Variants in BRI3 observed in about 807,000 individuals in gnomAD.
BRI3 encodes membrane protein BRI3.
A neutral mutation model predicts 12.8 loss-of-function variants in BRI3; 6 were observed. That is an observed-to-expected ratio of 0.47 (90% CI 0.26 to 0.93). The LOEUF is 0.93. BRI3 is among the 40% of genes least tolerant of loss of function. The probability of loss-of-function intolerance (pLI) is 0.15; values close to 1 mark genes in which losing one functional copy is unlikely to be tolerated. For synonymous variants in BRI3, 91 were observed against 76.1 expected (o/e 1.20, Z -1.02); for missense variants, 134 against 171.1 (o/e 0.78, Z 1.21).
chr7:98,308,350 C>A, exon 2 of BRI3: 1 of 450,310 alleles, frequency 2.2e-6, no homozygotes, highest in Non-Finnish European at 4.5e-6. Flanking sequence ...GTTGGTCTTG[C>A]CATGCTGGCC....
chr7:98,294,183 G>A, downstream of BRI3: 2 of 1,521,346 alleles, frequency 1.3e-6, no homozygotes, highest in Admixed American at 1.7e-5. Flanking sequence ...GGTAGAGATG[G>A]GGATTTGCTA....
In BRI3 at chr7:98,291,108, C is replaced by T. The variant is rs1799930833; in HGVS notation, c.246-3C>T. ...CCACCCTCTCTGCCCGTCTCTGCTG[C>T]AGGGTTGGGGTGCTGGAGGACTGCT... is the stretch of plus-strand genomic sequence containing the variant. On this transcript the variant is annotated splice_region_variant and splice_polypyrimidine_tract_variant and intron_variant, in intron 2 of 2. Coordinates refer to ENST00000297290, the MANE Select transcript of BRI3 (RefSeq NM_015379.5). 6 of 1,614,140 alleles carry T rather than the reference C, an allele frequency of 3.7e-6. No homozygotes were observed. Among genetic ancestry groups the T allele is most frequent in the Non-Finnish European group, 5.1e-6 (6 of 1,180,010 alleles).
At chr7:98,284,614 C>G (rs185967603) in intron 2 of BRI3, among the ~76,000 whole-genome samples, 2 of 152,378 alleles carry the variant, frequency 1.3e-5, no homozygotes, top group South Asian at 2.1e-4. Flanking sequence ...CCGCCGGGCT[C>G]TGTCCCCCTC....
At chr7:98,319,948 G>A in the BRI3 span, 39 of 869,990 alleles carry the variant, frequency 4.5e-5, no homozygotes, top group South Asian at 3.2e-4. Flanking sequence ...TCATCAACAC[G>A]GAGCTTCTCT....
exon 2 of BRI3, chr7:98,308,106 C>T (rs1259904478): frequency 1.5e-6 from 1 of 681,238 alleles, no homozygotes; most frequent in Non-Finnish European, 2.7e-6. Flanking sequence ...AGCCTGAAGG[C>T]ATGCACCGTG....
At chr7:98,313,383 A>C (rs1414223117), downstream of BRI3, among the ~76,000 whole-genome samples, 1 of 152,112 alleles carries the variant, frequency 6.6e-6, no homozygotes, top group Non-Finnish European at 1.5e-5. Flanking sequence ...TCTGCTGATA[A>C]CTGGAGCTCC....
exon 2 of BRI3, chr7:98,310,328 A>G (rs1800820807): frequency 1.7e-6 from 2 of 1,176,632 alleles, no homozygotes; most frequent in Non-Finnish European, 2.4e-6. Flanking sequence ...TGTATCTACC[A>G]TACCTGCTTG....
At chr7:98,316,358 C>T in the BRI3 span, among the ~76,000 whole-genome samples, 1 of 152,260 alleles carries the variant, frequency 6.6e-6, no homozygotes, top group South Asian at 2.1e-4. Context: ...ACCTAAGCCT[C>T]ATTTTCCCCA....
chr7:98,312,491 G>A (rs1800908763), downstream of BRI3, among the ~76,000 whole-genome samples: 1 of 152,206 alleles, frequency 6.6e-6, no homozygotes, highest in Non-Finnish European at 1.5e-5. Flanking sequence ...TGATCCCTCA[G>A]TGTGAATACA....
chr7:98,316,294 C>G, the BRI3 span, among the ~76,000 whole-genome samples: 1 of 152,042 alleles, frequency 6.6e-6, no homozygotes, highest in East Asian at 1.9e-4. Flanking sequence ...ATTGCCCAGT[C>G]TCGGGGTATG....
At chr7:98,307,803 T>C in exon 2 of BRI3, 1 of 1,614,236 alleles carries the variant, frequency 6.2e-7, no homozygotes, top group Non-Finnish European at 8.5e-7. Flanking sequence ...GCCCGCAGTG[T>C]GCGGGAAGAT....
the BRI3 span, among the ~76,000 whole-genome samples, chr7:98,316,088 C>G: frequency 6.6e-6 from 1 of 152,108 alleles, no homozygotes; most frequent in Admixed American, 6.5e-5. Context: ...CAGGTCTTTC[C>G]CATGCCATTC....
downstream of BRI3, chr7:98,312,090 C>A: frequency 6.3e-7 from 1 of 1,586,532 alleles, no homozygotes; most frequent in Admixed American, 1.9e-5. Flanking sequence ...AGAAAACTGG[C>A]TCCTACCACA....
chr7:98,294,159 T>A (rs1321017460), downstream of BRI3: 9 of 1,592,212 alleles, frequency 5.7e-6, no homozygotes, highest in Non-Finnish European at 7.8e-6. Context: ...ATTGGTCTTT[T>A]AAAAATTATT....
At chr7:98,317,148 C>T in the BRI3 span, 66 of 1,599,546 alleles carry the variant, frequency 4.1e-5, no homozygotes, top group African/African-American at 2.1e-4. Context: ...CCACCGCACC[C>T]GGCTAACCTC....
chr7:98,294,775 A>G (rs1800116174), downstream of BRI3, among the ~76,000 whole-genome samples: 1 of 152,234 alleles, frequency 6.6e-6, no homozygotes, highest in African/African-American at 2.4e-5. Context: ...GGGCTGCTAG[A>G]GCCAGGGATC....
At chr7:98,286,844 A>C (rs949880019) in intron 2 of BRI3, among the ~76,000 whole-genome samples, 1 of 152,272 alleles carries the variant, frequency 6.6e-6, no homozygotes, top group Non-Finnish European at 1.5e-5. Context: ...AAATAGCCAC[A>C]CACCAGTTCA....
At chr7:98,304,087 C>T, upstream of BRI3, 1 of 1,203,902 alleles carries the variant, frequency 8.3e-7, no homozygotes, top group Non-Finnish European at 1.1e-6. Context: ...GGGGACACCA[C>T]TCTCCCCCTG....
intron 2 of BRI3, among the ~76,000 whole-genome samples, chr7:98,290,800 C>G (rs1164822851): frequency 6.6e-6 from 1 of 152,268 alleles, no homozygotes; most frequent in Non-Finnish European, 1.5e-5. Flanking sequence ...CACACCCTGC[C>G]TTGCCTTTCA....
Sources: allele counts gnomAD v4.1 joint callset (sites outside exome capture counted in the v4.1 genomes callset), GRCh38; gene constraint gnomAD v4.1.1; transcripts MANE v1.5; gene names NCBI Gene and HGNC (gene_info 2026-07-23, HGNC 2026-07-21).